CNTN5: variants seen among roughly 807,000 people sequenced by gnomAD.
CNTN5 encodes contactin 5.
CNTN5 carries 77 observed loss-of-function variants against 129.1 expected under a neutral mutation model. The ratio of observed to expected loss-of-function variants is 0.60; its 90% confidence interval spans 0.50 to 0.72. The LOEUF is 0.72. CNTN5 is among the 30% of genes least tolerant of loss of function. The pLI, the probability that CNTN5 is intolerant of heterozygous loss-of-function variation, is 0.00. For synonymous variants in CNTN5, 509 were observed against 465.6 expected (o/e 1.09, Z -1.20); for missense variants, 1,478 against 1,328.8 (o/e 1.11, Z -1.75).
chr11:99,455,262 A>T (rs1944455425), intron 2 of CNTN5, among the ~76,000 whole-genome samples: 1 of 152,192 alleles, frequency 6.6e-6, no homozygotes, highest in African/African-American at 2.4e-5. Flanking sequence ...AATGAGTGAC[A>T]GTTGGCAGAA....
At chr11:99,759,680 A>T (rs1041372852) in intron 3 of CNTN5, among the ~76,000 whole-genome samples, 10 of 143,194 alleles carry the variant, frequency 7.0e-5, no homozygotes, top group African/African-American at 2.3e-4. Flanking sequence ...ACTAAGAAAG[A>T]TAGCATAAGA....
At chr11:99,161,008 T>A (rs1219884727) in intron 1 of CNTN5, among the ~76,000 whole-genome samples, 1 of 152,126 alleles carries the variant, frequency 6.6e-6, no homozygotes, top group African/African-American at 2.4e-5. Flanking sequence ...ATTAAAAACT[T>A]GTGAATTTGG....
chr11:99,412,565 C>T (rs1012709523), intron 2 of CNTN5, among the ~76,000 whole-genome samples: 3 of 152,176 alleles, frequency 2.0e-5, no homozygotes, highest in African/African-American at 7.2e-5. Context: ...ACCAGCTACT[C>T]TGTTAATAAT....
At chr11:99,336,842 A>C (rs1322181150) in intron 2 of CNTN5, among the ~76,000 whole-genome samples, 1 of 152,152 alleles carries the variant, frequency 6.6e-6, no homozygotes, top group Non-Finnish European at 1.5e-5. Context: ...AAAAAGAAAA[A>C]AAAAGAATAA....
At chr11:99,638,680 A>G (rs1238724796) in intron 3 of CNTN5, among the ~76,000 whole-genome samples, 1 of 152,206 alleles carries the variant, frequency 6.6e-6, no homozygotes, top group African/African-American at 2.4e-5. Context: ...AAAATCCAGC[A>G]GGGCAGTCCA....
chr11:99,732,163 A>C (rs1022836631), intron 3 of CNTN5, among the ~76,000 whole-genome samples: 4 of 152,188 alleles, frequency 2.6e-5, no homozygotes, highest in Non-Finnish European at 5.9e-5. Flanking sequence ...AGGTTTATGC[A>C]AAGAAGTTGT....
At chr11:100,104,639 T>C (rs945595988) in intron 13 of CNTN5, among the ~76,000 whole-genome samples, 2 of 152,144 alleles carry the variant, frequency 1.3e-5, no homozygotes, top group African/African-American at 4.8e-5. Flanking sequence ...GTTATATCGA[T>C]TAATAGATAA....
chr11:99,927,939 A>G (rs75285763), intron 7 of CNTN5, among the ~76,000 whole-genome samples: 1,548 of 152,318 alleles, frequency 0.01, 29 homozygotes, highest in African/African-American at 0.034. Flanking sequence ...ATGAGCCTCT[A>G]ACATCAAAAG....
At chr11:99,734,306 G>A (rs1174697064) in intron 3 of CNTN5, among the ~76,000 whole-genome samples, 1 of 151,844 alleles carries the variant, frequency 6.6e-6, no homozygotes, top group African/African-American at 2.4e-5. Context: ...TCACCCTGTT[G>A]GGCTGTCAAA....
chr11:100,297,768 T>C (rs1951127430), intron 19 of CNTN5, 73 bp downstream of exon 19: 6 of 1,163,564 alleles, frequency 5.2e-6, no homozygotes, highest in Non-Finnish European at 7.5e-6. Flanking sequence ...AATTATTTTA[T>C]GATTAAGCAG....
chr11:99,565,632 C>G (rs1014885253), intron 3 of CNTN5, among the ~76,000 whole-genome samples: 2 of 152,136 alleles, frequency 1.3e-5, no homozygotes, highest in East Asian at 3.9e-4. Context: ...TCTTTGGGAC[C>G]ATTCAGTTCT....
chr11:100,289,361 T>C (rs1293860977), intron 18 of CNTN5, among the ~76,000 whole-genome samples: 2 of 151,982 alleles, frequency 1.3e-5, no homozygotes, highest in Non-Finnish European at 2.9e-5. Flanking sequence ...AAATCCTCAA[T>C]AAAATACTGG....
chr11:99,984,264 G>C (rs1251284191), intron 8 of CNTN5, among the ~76,000 whole-genome samples: 1 of 150,720 alleles, frequency 6.6e-6, no homozygotes, highest in Non-Finnish European at 1.5e-5. Context: ...GTGTCAGCTA[G>C]ACTCCATCAC....
chr11:99,129,263 A>G (rs1277281741), intron 1 of CNTN5, among the ~76,000 whole-genome samples: 1 of 152,326 alleles, frequency 6.6e-6, no homozygotes, highest in East Asian at 1.9e-4. Flanking sequence ...AACATAAATG[A>G]CCTGATGGAG....
At chr11:99,813,269 A>G (rs1337619914) in intron 3 of CNTN5, among the ~76,000 whole-genome samples, 4 of 152,170 alleles carry the variant, frequency 2.6e-5, no homozygotes, top group African/African-American at 4.8e-5. Context: ...ATCACTCAAT[A>G]TTTCTATTTC....
chr11:99,657,337 C>G (rs1224520400), intron 3 of CNTN5, among the ~76,000 whole-genome samples: 2 of 151,890 alleles, frequency 1.3e-5, no homozygotes, highest in East Asian at 3.9e-4. Flanking sequence ...ATACCTGCAT[C>G]TATTTTGGGA....
At chr11:99,223,487 C>T (rs1860510328) in intron 1 of CNTN5, among the ~76,000 whole-genome samples, 1 of 152,022 alleles carries the variant, frequency 6.6e-6, no homozygotes, top group South Asian at 2.1e-4. Context: ...TTCCTAAAGT[C>T]AGTAGTAATA....
At chr11:100,067,499 G>A (rs1453587632) in intron 10 of CNTN5, among the ~76,000 whole-genome samples, 1 of 149,050 alleles carries the variant, frequency 6.7e-6, no homozygotes, top group Non-Finnish European at 1.5e-5. Context: ...TTGCTATTAT[G>A]CAACATAGAG....
chr11:99,210,319 C>T (rs1859703882), intron 1 of CNTN5, among the ~76,000 whole-genome samples: 1 of 152,156 alleles, frequency 6.6e-6, no homozygotes, highest in South Asian at 2.1e-4. Flanking sequence ...CATAGTACAT[C>T]ATATCATAAC....
Sources: gnomAD v4.1 joint callset for allele counts (sites outside exome capture counted in the v4.1 genomes callset) on GRCh38, gnomAD v4.1.1 for gene constraint, MANE v1.5 for transcripts, NCBI Gene and HGNC (gene_info 2026-07-23, HGNC 2026-07-21) for gene names.